DNER: variants seen among roughly 807,000 people sequenced by gnomAD.
DNER encodes delta/notch like EGF repeat containing.
Under a neutral mutation model 78.2 loss-of-function variants are expected in DNER, and 33 were observed. The observed-to-expected ratio is 0.42, with a 90% confidence interval of 0.32 to 0.56. DNER has a LOEUF of 0.56. Ranked by LOEUF, DNER falls within the 20% of genes least tolerant of loss-of-function variation. The pLI, the probability that DNER is intolerant of heterozygous loss-of-function variation, is 0.11. For synonymous variants in DNER, 417 were observed against 384.8 expected, an observed-to-expected ratio of 1.08 and a Z score of -0.98; for missense variants, 918 against 975.3, an observed-to-expected ratio of 0.94 and a Z score of 0.78.
chr2:229,668,426 A>G lies in DNER; in HGVS notation c.276+45722T>C, dbSNP rs1396035396. Among the ~76,000 whole-genome samples, 133 of 54,960 alleles carry G rather than the reference A, an allele frequency of 2.4e-3. 2 individuals are homozygous for G. The East Asian group carries it at 0.027, about 11-fold the overall frequency. 36.1% of individuals were successfully genotyped at this position (54,960 alleles called of 152,430 possible). ...ACACATAAAATATTCTTTTATATAT[A>G]TATATATATATATATACACTTATAT... On this transcript the variant is annotated intron_variant, in intron 1 of 12. Transcript: ENST00000341772.
chr2:229,517,642 T>C (rs1696007114), intron 5 of DNER, among the ~76,000 whole-genome samples: 1 of 152,228 alleles, frequency 6.6e-6, no homozygotes, highest in South Asian at 2.1e-4. Flanking sequence ...GAGAGGTCAC[T>C]GGGCGTGCCG....
chr2:229,639,176 C>T (rs10175753), intron 1 of DNER, among the ~76,000 whole-genome samples: 1,598 of 152,316 alleles, frequency 0.01, 31 homozygotes, highest in African/African-American at 0.036. Context: ...CTATGGGAAA[C>T]CAGCTTTTAG....
chr2:229,488,076 T>G (rs1363023118), intron 6 of DNER, among the ~76,000 whole-genome samples: 1 of 152,208 alleles, frequency 6.6e-6, no homozygotes, highest in Non-Finnish European at 1.5e-5. Context: ...TTAAGGTCTC[T>G]CCTCCCTTCT....
At chr2:229,512,735 G>A in intron 6 of DNER, 48 bp downstream of exon 6, 1 of 1,600,184 alleles carries the variant, frequency 6.2e-7, no homozygotes, top group Non-Finnish European at 8.5e-7. Flanking sequence ...AGAGGTGCAT[G>A]CTGTACAGAC....
intron 1 of DNER, among the ~76,000 whole-genome samples, chr2:229,606,893 TCAAA>T (rs1425461816): frequency 6.6e-6 from 1 of 152,046 alleles, no homozygotes; most frequent in Non-Finnish European, 1.5e-5. Context: ...AAACTCCATC[TCAAA>T]CACCACCACC....
At chr2:229,447,734 C>A (rs1376343865) in intron 7 of DNER, among the ~76,000 whole-genome samples, 194 bp from the exon 8 acceptor site, 1 of 152,118 alleles carries the variant, frequency 6.6e-6, no homozygotes, top group Non-Finnish European at 1.5e-5. Context: ...TTAAGCCCCA[C>A]AATTCCATTT....
chr2:229,426,082 T>C (rs563040865), intron 8 of DNER, among the ~76,000 whole-genome samples: 228 of 152,292 alleles, frequency 1.5e-3, no homozygotes, highest in African/African-American at 5.1e-3. Context: ...TGAAAACCCA[T>C]GACTTTCTGA....
chr2:229,623,044 T>G (rs774656934), intron 1 of DNER, among the ~76,000 whole-genome samples: 2 of 152,116 alleles, frequency 1.3e-5, no homozygotes, highest in Non-Finnish European at 2.9e-5. Flanking sequence ...TCATCCTTAC[T>G]CCTCCACCCT....
At chr2:229,683,725 G>C (rs1699428048) in intron 1 of DNER, among the ~76,000 whole-genome samples, 1 of 152,104 alleles carries the variant, frequency 6.6e-6, no homozygotes, top group South Asian at 2.1e-4. Flanking sequence ...CTCATACTAA[G>C]TACTTTACAC....
intron 7 of DNER, among the ~76,000 whole-genome samples, chr2:229,475,467 C>A (rs1047253637): frequency 2.6e-5 from 4 of 152,200 alleles, no homozygotes; most frequent in African/African-American, 9.7e-5. Flanking sequence ...GCTCTCCAAG[C>A]CCAGGCAGAT....
At chr2:229,424,876 T>C (rs190847180) in intron 8 of DNER, among the ~76,000 whole-genome samples, 58 of 152,266 alleles carry the variant, frequency 3.8e-4, no homozygotes, top group African/African-American at 1.4e-3. Context: ...CCCTGACCTC[T>C]ACACAATAGA....
In DNER at chr2:229,686,755, C is replaced by T. The variant is rs148598777; in HGVS notation, c.276+27393G>A. ...TATTGCCATCCCAACAGTCCAGACA[C>T]GAACCTCCTGACTGTCCTTAAAACC... On this transcript the variant is annotated intron_variant, in intron 1 of 12. Coordinates refer to ENST00000341772, the MANE Select transcript of DNER (RefSeq NM_139072.4). 2.0e-3 allele frequency among the ~76,000 whole-genome samples: 298 copies of T among 152,300 alleles called. 1 individual carries two copies. The highest frequency in any genetic ancestry group is 3.4e-3 in the Middle Eastern group (1 of 294).
At chr2:229,595,040 A>G (rs1340246321) in intron 1 of DNER, among the ~76,000 whole-genome samples, 1 of 151,534 alleles carries the variant, frequency 6.6e-6, no homozygotes, top group East Asian at 1.9e-4. Context: ...ACAAGCACTA[A>G]AAGTTTACAT....
intron 5 of DNER, among the ~76,000 whole-genome samples, chr2:229,544,202 T>C (rs1283376532): frequency 6.6e-6 from 1 of 152,186 alleles, no homozygotes; most frequent in Non-Finnish European, 1.5e-5. Flanking sequence ...AGTATGTTGA[T>C]ACATGAGGTT....
At chr2:229,466,335 C>T (rs1344216167) in intron 7 of DNER, among the ~76,000 whole-genome samples, 1 of 152,176 alleles carries the variant, frequency 6.6e-6, no homozygotes, top group Non-Finnish European at 1.5e-5. Context: ...CCCTCTCCCT[C>T]CCTAACCTCG....
chr2:229,707,180 A>ATTTTTTTTTTTTTTTTTTTTTTTTTTT (rs397868353), intron 1 of DNER, among the ~76,000 whole-genome samples: 1 of 94,610 alleles, frequency 1.1e-5, no homozygotes, highest in Non-Finnish European at 1.9e-5. Context: ...CGGCTGGCTA[A>ATTTTTTTTTTTTTTTTTTTTTTTTTTT]TTTTTTTTTT....
intron 1 of DNER, among the ~76,000 whole-genome samples, chr2:229,614,488 C>T (rs906664936): frequency 6.6e-6 from 1 of 152,216 alleles, no homozygotes; most frequent in Non-Finnish European, 1.5e-5. Context: ...GCCCAGTCTC[C>T]TGGCCTTAAC....
chr2:229,461,337 C>A (rs922155121), intron 7 of DNER, among the ~76,000 whole-genome samples: 1 of 152,056 alleles, frequency 6.6e-6, no homozygotes, highest in Non-Finnish European at 1.5e-5. Context: ...GGTAAAGTTT[C>A]TCTTTTTATT....
intron 5 of DNER, among the ~76,000 whole-genome samples, chr2:229,533,224 C>G (rs1230832500): frequency 6.6e-6 from 1 of 152,184 alleles, no homozygotes; most frequent in Non-Finnish European, 1.5e-5. Flanking sequence ...TGAACCAGAA[C>G]AGAGGATCTC....
Sources: allele counts gnomAD v4.1 joint callset (sites outside exome capture counted in the v4.1 genomes callset), GRCh38; gene constraint gnomAD v4.1.1; transcripts MANE v1.5; gene names NCBI Gene and HGNC (gene_info 2026-07-23, HGNC 2026-07-21).